The following SEMA6D variants were observed in gnomAD, a reference collection of about 807,000 sequenced individuals.
The protein encoded by SEMA6D is semaphorin 6D, also known as semaphorin-6D.
SEMA6D carries 35 observed loss-of-function variants against 106.6 expected under a neutral mutation model. The observed-to-expected ratio is 0.33, with a 90% CI of 0.25 to 0.44. SEMA6D has a LOEUF of 0.44. Among genes scored for constraint, SEMA6D ranks in the 20% least tolerant of loss-of-function variants. SEMA6D has a pLI of 1.00. For synonymous variants in SEMA6D, 499 were observed against 487.7 expected (o/e 1.02, Z -0.31); for missense variants, 1,185 against 1,345.9 (o/e 0.88, Z 1.87).
chr15:47,653,175 G>A (rs2077725612), intron 4 of SEMA6D, among the ~76,000 whole-genome samples: 1 of 152,174 alleles, frequency 6.6e-6, no homozygotes, highest in Non-Finnish European at 1.5e-5. Context: ...CAAGGAAAAT[G>A]CAAGATAATG....
At chr15:47,677,413 C>G (rs765826125) in intron 4 of SEMA6D, among the ~76,000 whole-genome samples, 6 of 152,248 alleles carry the variant, frequency 3.9e-5, no homozygotes, top group Non-Finnish European at 7.4e-5. Flanking sequence ...TCCCTCATGA[C>G]CTAGCCTTTC....
intron 1 of SEMA6D, among the ~76,000 whole-genome samples, chr15:47,191,625 A>G (rs552406315): frequency 6.6e-6 from 1 of 152,254 alleles, no homozygotes; most frequent in African/African-American, 2.4e-5. Flanking sequence ...ACTATTAAAA[A>G]GAAATGAAAA....
chr15:47,470,166 T>G (rs1159775527), intron 2 of SEMA6D, among the ~76,000 whole-genome samples: 1 of 152,194 alleles, frequency 6.6e-6, no homozygotes, highest in African/African-American at 2.4e-5. Context: ...GGAAAGGAAA[T>G]AACTTTGCTA....
chr15:47,350,525 C>T (rs2038280435), intron 1 of SEMA6D, among the ~76,000 whole-genome samples: 1 of 152,084 alleles, frequency 6.6e-6, no homozygotes. Context: ...TTTCTCTGTC[C>T]CTTTCTACCA....
intron 3 of SEMA6D, among the ~76,000 whole-genome samples, chr15:47,522,375 C>T (rs2044614523): frequency 6.6e-6 from 1 of 152,086 alleles, no homozygotes; most frequent in African/African-American, 2.4e-5. Flanking sequence ...TGCTATTTCC[C>T]ACAATTATAA....
chr15:47,583,913 A>G (rs1241990132), intron 3 of SEMA6D, among the ~76,000 whole-genome samples: 2 of 152,110 alleles, frequency 1.3e-5, no homozygotes, highest in African/African-American at 4.8e-5. Flanking sequence ...TCTACTTTAG[A>G]CTGGATGTCT....
intron 1 of SEMA6D, among the ~76,000 whole-genome samples, chr15:47,249,179 G>A (rs922218897): frequency 2.0e-5 from 3 of 152,176 alleles, no homozygotes; most frequent in Admixed American, 2.0e-4. Context: ...AGTGAGCCAA[G>A]ATCATGCAAC....
intron 1 of SEMA6D, among the ~76,000 whole-genome samples, chr15:47,372,961 G>A (rs1480965627): frequency 1.3e-5 from 2 of 152,146 alleles, no homozygotes; most frequent in African/African-American, 2.4e-5. Context: ...TTGATGACAA[G>A]GTCACCAAAT....
At chr15:47,290,594 C>T (rs1203341559) in intron 1 of SEMA6D, among the ~76,000 whole-genome samples, 1 of 148,138 alleles carries the variant, frequency 6.8e-6, no homozygotes, top group African/African-American at 2.5e-5. Flanking sequence ...TTAATTACTA[C>T]AAATATATAA....
chr15:47,683,093 A>G (rs980604401), intron 4 of SEMA6D, among the ~76,000 whole-genome samples: 7 of 152,312 alleles, frequency 4.6e-5, no homozygotes, highest in African/African-American at 1.7e-4. Flanking sequence ...GGGGGTACAT[A>G]TGAAGGTTTG....
At chr15:47,756,077 C>G (rs186311569) in intron 1 of SEMA6D, among the ~76,000 whole-genome samples, 1 of 152,070 alleles carries the variant, frequency 6.6e-6, no homozygotes, top group African/African-American at 2.4e-5. Context: ...GGGAGAAGTT[C>G]ATATAAAATA....
At chr15:47,424,196 C>G (rs1487359298) in intron 2 of SEMA6D, among the ~76,000 whole-genome samples, 1 of 152,054 alleles carries the variant, frequency 6.6e-6, no homozygotes, top group Non-Finnish European at 1.5e-5. Flanking sequence ...GCACTCGAAA[C>G]ATCCTCTGAT....
chr15:47,563,065 AG>A (rs905342977), intron 3 of SEMA6D, among the ~76,000 whole-genome samples: 1 of 152,212 alleles, frequency 6.6e-6, no homozygotes, highest in Non-Finnish European at 1.5e-5. Context: ...TCTAAGTGAA[AG>A]ATGCTAGGTG....
intron 1 of SEMA6D, among the ~76,000 whole-genome samples, chr15:47,719,404 CTG>C (rs1025437410): frequency 2.0e-5 from 3 of 152,178 alleles, no homozygotes; most frequent in African/African-American, 7.2e-5. Flanking sequence ...TTAAAAATAA[CTG>C]TAGTGTTTCC....
At chr15:47,324,383 A>G (rs2037043026) in intron 1 of SEMA6D, among the ~76,000 whole-genome samples, 1 of 152,126 alleles carries the variant, frequency 6.6e-6, no homozygotes, top group East Asian at 1.9e-4. Context: ...ATTTTGAGGT[A>G]TATATCTTTT....
Position 47,764,247 on chromosome 15 carries a change from C to T in SEMA6D, c.1039C>T (p.Gln347Ter). The change falls in exon 11 of 19, where the codon CAG (glutamine) becomes TAG (stop). Residue 347 changes from glutamine (Q) to a stop codon, truncating the protein, a stop_gained. Transcript: ENST00000536845. LOFTEE classifies it high-confidence loss of function. ...AGTATTCAAAGGACGGTTTAAGGAA[C>T]AGAAAACTCCAGATTCTGTTTGGAC... is the stretch of plus-strand genomic sequence containing the variant. The part of the protein sequence containing the change: ...EKVFKGRFKE[Q>*]KTPDSVWTAV... 1 of 1,613,788 alleles carries T rather than the reference C, an allele frequency of 6.2e-7. No homozygotes were observed.
At chr15:47,415,524 C>A (rs918498952) in intron 2 of SEMA6D, among the ~76,000 whole-genome samples, 2 of 152,146 alleles carry the variant, frequency 1.3e-5, no homozygotes, top group African/African-American at 4.8e-5. Flanking sequence ...TACCCGCTCC[C>A]GTCTCCTTTC....
intron 1 of SEMA6D, among the ~76,000 whole-genome samples, chr15:47,268,349 A>G (rs2034414682): frequency 6.6e-6 from 1 of 152,052 alleles, no homozygotes; most frequent in African/African-American, 2.4e-5. Flanking sequence ...TTATTATTTC[A>G]TTCATTTTCT....
At chr15:47,201,204 A>G (rs1894706560) in intron 1 of SEMA6D, among the ~76,000 whole-genome samples, 1 of 152,230 alleles carries the variant, frequency 6.6e-6, no homozygotes, top group African/African-American at 2.4e-5. Flanking sequence ...CAAGTGTTTT[A>G]TGAAGTAAAA....
Sources: allele counts gnomAD v4.1 joint callset (sites outside exome capture counted in the v4.1 genomes callset), GRCh38; gene constraint gnomAD v4.1.1; transcripts MANE v1.5; gene names NCBI Gene and HGNC (gene_info 2026-07-23, HGNC 2026-07-21).